SPAG1: variants seen among roughly 807,000 people sequenced by gnomAD.
SPAG1 encodes sperm associated antigen 1.
SPAG1 carries 69 observed loss-of-function variants against 100.5 expected under a neutral mutation model. That is an observed-to-expected ratio of 0.69 (90% CI 0.57 to 0.84). The LOEUF (loss-of-function observed/expected upper bound fraction) is 0.84, where lower values mean the gene tolerates loss of function less well. SPAG1 is among the 40% of genes least tolerant of loss of function. The pLI, the probability that SPAG1 is intolerant of heterozygous loss-of-function variation, is 0.00. For synonymous variants in SPAG1, 336 were observed against 411.6 expected (o/e 0.82, Z 2.22); for missense variants, 955 against 1,133.1 (o/e 0.84, Z 2.26).
At chr8:100,217,689 C>T (rs56790046) in intron 12 of SPAG1, among the ~76,000 whole-genome samples, 5,324 of 152,276 alleles carry the variant, frequency 0.035, 288 homozygotes, top group African/African-American at 0.12. Flanking sequence ...CTAAACCACA[C>T]CAAAAATCTT....
At chr8:100,208,772 G>A (rs1272263308) in intron 10 of SPAG1, among the ~76,000 whole-genome samples, 3 of 152,062 alleles carry the variant, frequency 2.0e-5, no homozygotes, top group African/African-American at 7.3e-5. Flanking sequence ...ATAGTATTTG[G>A]GTTGGGGATT....
intron 4 of SPAG1, among the ~76,000 whole-genome samples, chr8:100,182,962 T>TTTGTATA (rs1816427367): frequency 6.6e-6 from 1 of 152,064 alleles, no homozygotes; most frequent in Non-Finnish European, 1.5e-5. Context: ...ATCCATTCCA[T>TTTGTATA]TTGTATATCT....
chr8:100,237,107 G>C (rs1470379932), intron 16 of SPAG1, among the ~76,000 whole-genome samples: 1 of 152,068 alleles, frequency 6.6e-6, no homozygotes, highest in Non-Finnish European at 1.5e-5. Flanking sequence ...TTGAGACAGA[G>C]TCTTGCTCTG....
chr8:100,213,842 A>G lies in SPAG1; in HGVS notation c.1459A>G (p.Ser487Gly). ...AGGAAGTGAAATTGCAGATGATCTA[A>G]GTATCTTATATTCAAATAGAGCAGC... Reference protein sequence around the residue: ...PAGSEIADDLSILYSNRAACY... With the variant: ...PAGSEIADDLGILYSNRAACY... The change falls in exon 12 of 19, where the codon AGT becomes GGT. Residue 487 changes from serine to glycine, a missense_variant. By Grantham distance (56) the Ser-to-Gly change is moderately conservative. Coordinates refer to ENST00000388798, the MANE Select transcript of SPAG1 (RefSeq NM_003114.5). The G allele has an allele frequency of 6.3e-7, 1 of 1,596,872 alleles. No homozygotes were observed. The highest frequency in any genetic ancestry group is 1.1e-5 in the South Asian group (1 of 89,704).
intron 12 of SPAG1, among the ~76,000 whole-genome samples, chr8:100,215,512 T>C (rs762395384): frequency 6.6e-6 from 1 of 152,216 alleles, no homozygotes; most frequent in Non-Finnish European, 1.5e-5. Flanking sequence ...ATTGTTTTCA[T>C]TGGCTGTATC....
intron 10 of SPAG1, among the ~76,000 whole-genome samples, chr8:100,210,849 A>G (rs373793208): frequency 2.6e-4 from 38 of 147,384 alleles, no homozygotes; most frequent in Middle Eastern, 3.4e-3. Context: ...TTTTTTTGAG[A>G]TGGAGTTTTG....
rs113274250 is a variant in SPAG1 at position 100,186,627 on chromosome 8, T to C, written c.702-493T>C. Among the ~76,000 whole-genome samples the C allele has an allele frequency of 7.6e-3, 1,155 of 152,302 alleles. 10 individuals carry two copies. The highest frequency in any genetic ancestry group is 0.013 in the Non-Finnish European group (882 of 68,024). On this transcript the variant is annotated intron_variant, in intron 7 of 18. Transcript: ENST00000388798. ...CTTGTAGAATTGTATTTTATTATTT[T>C]TGATAATATAGGCTGTATTTGTTTG...
chr8:100,234,493 G>A (rs1260233726), intron 16 of SPAG1, among the ~76,000 whole-genome samples: 1 of 152,060 alleles, frequency 6.6e-6, no homozygotes, highest in African/African-American at 2.4e-5. Context: ...TGATTGTTTT[G>A]GACATTACCA....
chr8:100,223,993 A>G (rs980837498), intron 13 of SPAG1, among the ~76,000 whole-genome samples: 2 of 152,220 alleles, frequency 1.3e-5, no homozygotes, highest in Non-Finnish European at 2.9e-5. Context: ...AGATTTAACT[A>G]ACTTGAATTT....
At chr8:100,208,659 A>T (rs1817603276) in intron 10 of SPAG1, among the ~76,000 whole-genome samples, 1 of 152,236 alleles carries the variant, frequency 6.6e-6, no homozygotes, top group Non-Finnish European at 1.5e-5. Flanking sequence ...GTGCATGTAT[A>T]CATTTGTACT....
rs1563820705 is a variant in SPAG1, at chr8:100,240,870, T to TG, written c.2650-21_2650-20insG. On this transcript the variant is annotated intron_variant, in intron 18 of 18. Coordinates refer to ENST00000388798, the MANE Select transcript of SPAG1 (RefSeq NM_003114.5). ...CTAACATAGTTGGTTTTTTGTTTTT[T>TG]TTTTTTTTTGCTTCTTTTAGATGAT... The TG allele has an allele frequency of 4.5e-6, 7 of 1,568,088 alleles. No individual in the cohort carries two copies. In the Admixed American group the frequency reaches 1.1e-4, roughly 24 times the overall value.
chr8:100,224,403 G>A (rs939372977), intron 13 of SPAG1, among the ~76,000 whole-genome samples: 2 of 152,110 alleles, frequency 1.3e-5, no homozygotes, highest in Non-Finnish European at 2.9e-5. Flanking sequence ...TTAGCTGGGC[G>A]TGGTGGCGCG....
intron 9 of SPAG1, among the ~76,000 whole-genome samples, chr8:100,192,568 CA>C (rs1439142818): frequency 1.3e-5 from 2 of 152,112 alleles, no homozygotes; most frequent in Non-Finnish European, 2.9e-5. Context: ...AAGAGAAACC[CA>C]TGGAAAAATT....
chr8:100,176,964 C>CT (rs201383065), intron 3 of SPAG1, among the ~76,000 whole-genome samples: 3 of 143,690 alleles, frequency 2.1e-5, no homozygotes, highest in East Asian at 4.3e-4. Context: ...TCGTTTCTTT[C>CT]TTTTTTTTCA....
At chr8:100,204,856 T>C (rs969780325) in intron 10 of SPAG1, among the ~76,000 whole-genome samples, 1 of 152,070 alleles carries the variant, frequency 6.6e-6, no homozygotes, top group Non-Finnish European at 1.5e-5. Flanking sequence ...TTAAATACAA[T>C]GGGAATAATT....
intron 6 of SPAG1, 119 bp downstream of exon 6, chr8:100,184,181 G>C (rs904018211): frequency 3.0e-5 from 14 of 466,726 alleles, no homozygotes; most frequent in Admixed American, 8.6e-5. Flanking sequence ...AAAGTTTATG[G>C]ATTTTCTCTT....
chr8:100,165,545 G>C, intron 2 of SPAG1: 1 of 386,734 alleles, frequency 2.6e-6, no homozygotes, highest in Non-Finnish European at 4.8e-6. Context: ...CCACGGTGCC[G>C]GGGACCACAC....
chr8:100,169,860 T>TA (rs1460016153), intron 3 of SPAG1, among the ~76,000 whole-genome samples: 1 of 152,154 alleles, frequency 6.6e-6, no homozygotes, highest in Non-Finnish European at 1.5e-5. Context: ...GGCTACCCCC[T>TA]AGGCAGCCTG....
chr8:100,158,372 C>T (rs1815154603), upstream of SPAG1: 1 of 152,296 alleles, frequency 6.6e-6, no homozygotes, highest in South Asian at 2.1e-4. Flanking sequence ...GCGGTCAGCC[C>T]TGGTGACCCA....
Sources: allele counts gnomAD v4.1 joint callset (sites outside exome capture counted in the v4.1 genomes callset), GRCh38; gene constraint gnomAD v4.1.1; transcripts MANE v1.5; gene names NCBI Gene and HGNC (gene_info 2026-07-23, HGNC 2026-07-21).